Variants in RYR2 observed in about 807,000 individuals in gnomAD.
The protein encoded by RYR2 is ryanodine receptor 2.
A neutral mutation model predicts 601.1 loss-of-function variants in RYR2; 227 were observed. That is an observed-to-expected ratio of 0.38 (90% CI 0.34 to 0.42). The LOEUF is 0.42. RYR2 is among the 10% of genes least tolerant of loss of function. RYR2 has a pLI of 1.00. For synonymous variants in RYR2, 2,223 were observed against 2,175.1 expected (o/e 1.02, Z -0.61); for missense variants, 4,646 against 6,156.5 (o/e 0.75, Z 8.21).
chr1:237,586,693 G>T (rs1305488440), intron 29 of RYR2, among the ~76,000 whole-genome samples: 16 of 151,956 alleles, frequency 1.1e-4, no homozygotes, highest in Admixed American at 1.0e-3. Context: ...TAGATGGATG[G>T]TACGCTATTT....
intron 15 of RYR2, 52 bp downstream of exon 15, chr1:237,454,626 GCTT>G: frequency 1.3e-6 from 2 of 1,572,464 alleles, no homozygotes; most frequent in Non-Finnish European, 1.7e-6. Context: ...TGTAAAAACA[GCTT>G]CTTGGTTGGG....
chr1:237,380,566 G>T (rs1275284063), intron 8 of RYR2, among the ~76,000 whole-genome samples: 1 of 150,522 alleles, frequency 6.6e-6, no homozygotes, highest in Admixed American at 6.6e-5. Flanking sequence ...ATCCAACAAG[G>T]CTCGTAGTTC....
chr1:237,783,918 G>C lies in RYR2; in HGVS notation c.12206G>C (p.Cys4069Ser), dbSNP rs752924198. 6.2e-7 allele frequency: 1 copy of C among 1,613,442 alleles called. No individual in the cohort carries two copies. Among genetic ancestry groups the C allele is most frequent in the South Asian group, 1.1e-5 (1 of 90,988 alleles). Residue 4069 changes from cysteine to serine, a missense_variant, in exon 90 of 105, where the codon TGT (cysteine) becomes TCT (serine). Physicochemically the swap from Cys to Ser is moderately radical, Grantham distance 112. Transcript: ENST00000366574. ...TQSETEFLLS[C>S]AETDENETLD... Reference sequence around the variant, plus strand: ...TCAGAAACGGAATTTCTTTTGTCTTGTGCGGAGACGGATGAGAATGAAACC... The same window carrying C: ...TCAGAAACGGAATTTCTTTTGTCTTCTGCGGAGACGGATGAGAATGAAACC...
chr1:237,502,245 G>C (rs963904548), intron 21 of RYR2, among the ~76,000 whole-genome samples: 1 of 152,162 alleles, frequency 6.6e-6, no homozygotes, highest in Non-Finnish European at 1.5e-5. Flanking sequence ...TCATTTAACT[G>C]TTTCAAAAAG....
rs80213551 is a variant in RYR2, at chr1:237,179,985, A to C, written c.49-90512A>C. ...GCGCAGAGCAAGGTTTCAGATTGGC[A>C]GTGGCTTTCTGATCAAATTTCGGGT... is the stretch of plus-strand genomic sequence containing the variant. On this transcript the variant is annotated intron_variant, in intron 1 of 104. Transcript: ENST00000366574. Among the ~76,000 whole-genome samples the C allele has an allele frequency of 8.5e-5, 13 of 152,222 alleles. No homozygotes were observed. The East Asian group carries it at 2.5e-3, about 29-fold the overall frequency.
At chr1:237,455,470 C>G (rs1376111172) in intron 15 of RYR2, among the ~76,000 whole-genome samples, 1 of 152,058 alleles carries the variant, frequency 6.6e-6, no homozygotes, top group African/African-American at 2.4e-5. Flanking sequence ...ATCAGGTATT[C>G]TGCTCACTAT....
At chr1:237,328,620 CAG>C (rs1372702605) in intron 2 of RYR2, among the ~76,000 whole-genome samples, 1 of 151,190 alleles carries the variant, frequency 6.6e-6, no homozygotes, top group Admixed American at 6.6e-5. Flanking sequence ...AAAAACAAAA[CAG>C]AACAAAACAT....
At chr1:237,660,135 T>C (rs1255337217) in intron 55 of RYR2, 61 bp downstream of exon 55, 1 of 979,916 alleles carries the variant, frequency 1.0e-6, no homozygotes, top group East Asian at 3.1e-5. Flanking sequence ...AATGTGTTTT[T>C]TGGTTATATT....
chr1:237,425,647 T>C (rs1335881642), intron 12 of RYR2, among the ~76,000 whole-genome samples: 1 of 151,604 alleles, frequency 6.6e-6, no homozygotes, highest in African/African-American at 2.4e-5. Flanking sequence ...AAAAAAAAGC[T>C]ATAAGGAAGA....
chr1:237,569,045 G>A (rs989215042), intron 28 of RYR2, 100 bp from the exon 29 acceptor site: 2 of 1,003,596 alleles, frequency 2.0e-6, no homozygotes, highest in African/African-American at 1.6e-5. Flanking sequence ...CTACTGTTGT[G>A]TTGATAGAAG....
chr1:237,449,351 T>G (rs1353504359), intron 14 of RYR2, among the ~76,000 whole-genome samples: 1 of 152,198 alleles, frequency 6.6e-6, no homozygotes, highest in Non-Finnish European at 1.5e-5. Context: ...TTTGCCACAG[T>G]CTACCTTTAA....
intron 2 of RYR2, among the ~76,000 whole-genome samples, chr1:237,294,152 T>G (rs1692513745): frequency 6.6e-6 from 1 of 152,142 alleles, no homozygotes; most frequent in Non-Finnish European, 1.5e-5. Flanking sequence ...TTTTCCATAT[T>G]CTCCTTGAAC....
At chr1:237,447,491 G>A (rs752100094) in intron 14 of RYR2, among the ~76,000 whole-genome samples, 6 of 151,990 alleles carry the variant, frequency 3.9e-5, no homozygotes, top group Non-Finnish European at 7.4e-5. Flanking sequence ...ATTATTTTTT[G>A]TCTGGGCTAT....
At chr1:237,803,211 C>T (rs907937859) in intron 98 of RYR2, among the ~76,000 whole-genome samples, 2 of 152,148 alleles carry the variant, frequency 1.3e-5, no homozygotes, top group Non-Finnish European at 2.9e-5. Context: ...GCAGCAAGCA[C>T]ATGTGTAGAC....
At chr1:237,686,933 G>A (rs1686443381) in intron 62 of RYR2, among the ~76,000 whole-genome samples, 1 of 152,200 alleles carries the variant, frequency 6.6e-6, no homozygotes, top group South Asian at 2.1e-4. Flanking sequence ...CGTAAGGAGT[G>A]TGATCAAGGT....
intron 41 of RYR2, 74 bp from the exon 42 acceptor site, chr1:237,631,353 G>C (rs1405215684): frequency 5.6e-6 from 5 of 886,262 alleles, no homozygotes; most frequent in Non-Finnish European, 8.9e-6. Flanking sequence ...ATTTCTAAAA[G>C]ATTTATGAGG....
intron 28 of RYR2, among the ~76,000 whole-genome samples, chr1:237,567,228 A>G (rs982732403): frequency 5.9e-5 from 9 of 152,058 alleles, no homozygotes; most frequent in Non-Finnish European, 1.3e-4. Flanking sequence ...GAAGCTGGTC[A>G]GGTGTTTATT....
chr1:237,655,691 A>G (rs755150561), intron 52 of RYR2, 130 bp from the exon 53 acceptor site: 3 of 765,958 alleles, frequency 3.9e-6, no homozygotes, highest in Non-Finnish European at 6.0e-6. Context: ...CTGGAAAAAG[A>G]ATGATCAGAG....
chr1:237,474,604 C>T (rs1343039753), intron 17 of RYR2, among the ~76,000 whole-genome samples: 1 of 152,066 alleles, frequency 6.6e-6, no homozygotes, highest in Non-Finnish European at 1.5e-5. Context: ...AAAATCTTAA[C>T]CTCACTTAAA....
Sources: allele counts gnomAD v4.1 joint callset (sites outside exome capture counted in the v4.1 genomes callset), GRCh38; gene constraint gnomAD v4.1.1; transcripts MANE v1.5; gene names NCBI Gene and HGNC (gene_info 2026-07-23, HGNC 2026-07-21).